The following DNAJC18 variants were observed in gnomAD, a reference collection of about 807,000 sequenced individuals.
DNAJC18 encodes the protein dnaJ homolog subfamily C member 18.
A neutral mutation model predicts 48.6 loss-of-function variants in DNAJC18; 40 were observed. The observed-to-expected ratio is 0.82, with a 90% confidence interval of 0.64 to 1.07. DNAJC18 has a LOEUF of 1.07. DNAJC18 is among the 50% of genes least tolerant of loss of function. DNAJC18 has a pLI of 0.00. For missense variants in DNAJC18, 340 were observed against 427.7 expected (o/e 0.79, Z 1.81); for synonymous variants, 135 against 152.2 (o/e 0.89, Z 0.83).
In DNAJC18 at chr5:139,425,037, T is replaced by C. The variant is rs1256827616; in HGVS notation, c.637A>G (p.Thr213Ala). The change falls in exon 5 of 8, where the codon ACT (threonine) becomes GCT (alanine). Residue 213 changes from threonine (T) to alanine (A), a missense_variant. By Grantham distance (58) the Thr-to-Ala change is moderately conservative. Coordinates refer to ENST00000302060, the MANE Select transcript of DNAJC18 (RefSeq NM_152686.4). ...RRRHRHERTQ[T>A]QKEEEEEKPQ... The stretch of plus-strand genomic sequence containing the variant: ...TTCTCTTCTTCCTCCTCCTTCTGAG[T>C]CTGTGTCCTCTCATGTCGGTGCCGT... 3.7e-6 allele frequency: 6 copies of C among 1,613,434 alleles called. No homozygotes were observed. Among genetic ancestry groups the C allele is most frequent in the Non-Finnish European group, 5.1e-6 (6 of 1,179,494 alleles).
rs1273841230 is a variant in DNAJC18 at position 139,439,491 on chromosome 5, G to C, written c.-46C>G. ...TCCGCCGAGCCTCCCCCGTGCCCGA[G>C]GCTGAAAGAGAAGGGGGCGCGGAGC... is the stretch of plus-strand genomic sequence containing the variant. On this transcript the variant is annotated 5_prime_UTR_variant, in exon 1 of 8. Coordinates refer to ENST00000302060, the MANE Select transcript of DNAJC18 (RefSeq NM_152686.4). This position sits in a 1 kb window ranked among gnomAD's most constrained non-coding sequence, Gnocchi z 4.1. The C allele has an allele frequency of 1.9e-6, 3 of 1,613,590 alleles. No homozygotes were observed. The highest frequency in any genetic ancestry group is 2.5e-6 in the Non-Finnish European group (3 of 1,179,970).
chr5:139,420,636 A>C lies in DNAJC18; in HGVS notation c.780-411T>G, dbSNP rs79536420. Reference sequence around the variant, plus strand: ...ATATAGCAAATTATTTACAAAAAAAACAGATAGCTCACACCAACCTAGAAG... The same window carrying C: ...ATATAGCAAATTATTTACAAAAAAACCAGATAGCTCACACCAACCTAGAAG... On this transcript the variant is annotated intron_variant, in intron 6 of 7. Coordinates refer to ENST00000302060, the MANE Select transcript of DNAJC18 (RefSeq NM_152686.4). Among the ~76,000 whole-genome samples the C allele has an allele frequency of 3.0e-3, 460 of 151,200 alleles. 2 individuals are homozygous for C. Among genetic ancestry groups the C allele is most frequent in the Non-Finnish European group, 3.6e-3 (246 of 67,936 alleles).
chr5:139,411,690 G>A lies in DNAJC18; in HGVS notation c.*2458C>T, dbSNP rs553297298. The A allele has an allele frequency of 1.3e-5, 2 of 152,280 alleles. No individual in the cohort carries two copies. Among genetic ancestry groups the A allele is most frequent in the African/African-American group, 4.8e-5 (2 of 41,562 alleles). 9.4% of individuals were successfully genotyped at this position (152,280 alleles called of 1,614,324 possible). A position where few individuals can be genotyped will look rare whatever the true frequency, so the allele number is the denominator to read the frequency against. Reference sequence around the variant, plus strand: ...GGCAATAAATAAAACAGTACCATCGGTGCTATAAAAACAGACAATCAGCGT... The same window carrying A: ...GGCAATAAATAAAACAGTACCATCGATGCTATAAAAACAGACAATCAGCGT... On this transcript the variant is annotated 3_prime_UTR_variant, in exon 8 of 8. Transcript: ENST00000302060.
chr5:139,425,222 G>A (rs1158479833), intron 4 of DNAJC18, 108 bp from the exon 5 acceptor site: 1 of 836,972 alleles, frequency 1.2e-6, no homozygotes, highest in Non-Finnish European at 1.8e-6. Context: ...GGAGTGCAAT[G>A]GGGTGATCTC....
At chr5:139,438,752 C>T (rs1283785340) in intron 1 of DNAJC18, among the ~76,000 whole-genome samples, 1 of 152,184 alleles carries the variant, frequency 6.6e-6, no homozygotes, top group East Asian at 1.9e-4. Context: ...AGCCAGTCTG[C>T]GTTAGGTACC....
At chr5:139,434,599 G>A (rs1211794105) in intron 2 of DNAJC18, among the ~76,000 whole-genome samples, 1 of 152,104 alleles carries the variant, frequency 6.6e-6, no homozygotes, top group Admixed American at 6.6e-5. Context: ...TTGAATTACA[G>A]GCATGAGCCA....
At position 139,437,465 on chromosome 5, in the gene DNAJC18, T is replaced by G. The variant is rs1390041162; in HGVS notation, c.134A>C (p.Gln45Pro). ...CTCATTCTCAGACTTCTTTTCCTTT[T>G]GTGCCTTCATGCAGTTACAGCAGCC... ...PCGCCNCMKA[Q>P]KEKKSENEWT... Residue 45 changes from glutamine to proline, a missense_variant, in exon 2 of 8, where the codon CAA (glutamine) becomes CCA (proline). Gln to Pro is a moderately conservative substitution (Grantham distance 76, BLOSUM62 -1). Coordinates refer to ENST00000302060, the MANE Select transcript of DNAJC18 (RefSeq NM_152686.4). 6.2e-7 allele frequency: 1 copy of G among 1,614,204 alleles called. No homozygotes were observed. The highest frequency in any genetic ancestry group is 1.1e-5 in the South Asian group (1 of 91,082).
chr5:139,424,522 G>A (rs540424362), intron 5 of DNAJC18, among the ~76,000 whole-genome samples: 1 of 151,964 alleles, frequency 6.6e-6, no homozygotes, highest in African/African-American at 2.4e-5. Context: ...GAGCCCAGGA[G>A]TTTGTGACCA....
At chr5:139,423,944 G>T (rs575103548) in intron 5 of DNAJC18, among the ~76,000 whole-genome samples, 39 of 152,126 alleles carry the variant, frequency 2.6e-4, no homozygotes, top group Non-Finnish European at 5.1e-4. Context: ...AACATCTCTA[G>T]GTAAACCTGC....
intron 3 of DNAJC18, among the ~76,000 whole-genome samples, chr5:139,427,955 C>T (rs139613823): frequency 6.6e-6 from 1 of 152,294 alleles, no homozygotes; most frequent in Non-Finnish European, 1.5e-5. Flanking sequence ...AGATCTTTGC[C>T]TGTAACAATG....
chr5:139,414,425 C>T (rs1264401549), intron 7 of DNAJC18, among the ~76,000 whole-genome samples, 153 bp from the exon 8 acceptor site: 1 of 152,244 alleles, frequency 6.6e-6, no homozygotes, highest in Non-Finnish European at 1.5e-5. Flanking sequence ...CAAAACACGT[C>T]TTAGGTACTA....
chr5:139,420,323 A>C, intron 6 of DNAJC18, 98 bp from the exon 7 acceptor site: 1 of 1,196,632 alleles, frequency 8.4e-7, no homozygotes, highest in Non-Finnish European at 1.2e-6. Context: ...ATCTGCTCAT[A>C]GAGCAGAGGC....
At chr5:139,421,681 G>A (rs192012070) in intron 6 of DNAJC18, among the ~76,000 whole-genome samples, 39 of 151,938 alleles carry the variant, frequency 2.6e-4, no homozygotes, top group Admixed American at 1.9e-3. Flanking sequence ...GGTGCGTGCC[G>A]CCTGTAATTC....
At position 139,420,043 on chromosome 5, in the gene DNAJC18, A is replaced by T. The variant is rs748679394; in HGVS notation, c.952+10T>A. The T allele has an allele frequency of 5.2e-6, 8 of 1,550,290 alleles. No individual in the cohort carries two copies. Among genetic ancestry groups the T allele is most frequent in the Non-Finnish European group, 6.9e-6 (8 of 1,153,228 alleles). ...AGCCACCAGCTAATGCCCCTTTTAC[A>T]GTATCTTACTTTGTTGTTTCTCCTT... On this transcript the variant is annotated intron_variant, in intron 7 of 7. Coordinates refer to ENST00000302060, the MANE Select transcript of DNAJC18 (RefSeq NM_152686.4).
intron 7 of DNAJC18, among the ~76,000 whole-genome samples, chr5:139,417,667 G>A (rs753759787): frequency 5.3e-5 from 8 of 150,864 alleles, no homozygotes; most frequent in Non-Finnish European, 8.8e-5. Context: ...TCCGCCTCCC[G>A]GGTTCAAGAG....
At chr5:139,424,328 C>G (rs761237082) in intron 5 of DNAJC18, among the ~76,000 whole-genome samples, 8 of 152,100 alleles carry the variant, frequency 5.3e-5, no homozygotes, top group African/African-American at 9.7e-5. Context: ...GTCATGAGGC[C>G]CAGCTGTGCT....
rs528322919 is a variant in DNAJC18 at position 139,411,288 on chromosome 5, C to T, written c.*2860G>A. 7.9e-5 allele frequency: 12 copies of T among 152,288 alleles called. No individual in the cohort carries two copies. Among genetic ancestry groups the T allele is most frequent in the East Asian group, 7.7e-4 (4 of 5,188 alleles). 9.4% of individuals were successfully genotyped at this position (152,288 alleles called of 1,614,324 possible). A position where few individuals can be genotyped will look rare whatever the true frequency, so the allele number is the denominator to read the frequency against. On this transcript the variant is annotated 3_prime_UTR_variant, in exon 8 of 8. Transcript: ENST00000302060. ...TCATCCTCCTTTTCTCACTGCCGAT[C>T]GTGCGGTAGAGAGAGCATCTTCATT...
intron 2 of DNAJC18, among the ~76,000 whole-genome samples, chr5:139,433,135 T>A (rs1398431586): frequency 6.6e-6 from 1 of 152,142 alleles, no homozygotes; most frequent in African/African-American, 2.4e-5. Flanking sequence ...CCTGCACCCA[T>A]ATAAAAGCTT....
In DNAJC18 at chr5:139,411,650, A is replaced by C. The variant is rs577355158; in HGVS notation, c.*2498T>G. The C allele has an allele frequency of 6.6e-6, 1 of 152,344 alleles. No homozygotes were observed. The highest frequency in any genetic ancestry group is 2.4e-5 in the African/African-American group (1 of 41,592). The allele number at this position is 152,344 out of a possible 1,614,324, so 9.4% of individuals were successfully genotyped here. ...TTCCCTTGAGGAAAAACAGATGTGAATGTTGTGGTCTATTGGCAATAAATA... is the reference window on the plus strand; with the variant it reads ...TTCCCTTGAGGAAAAACAGATGTGACTGTTGTGGTCTATTGGCAATAAATA... On this transcript the variant is annotated 3_prime_UTR_variant, in exon 8 of 8. Transcript: ENST00000302060.
Sources: gnomAD v4.1 joint callset for allele counts (sites outside exome capture counted in the v4.1 genomes callset) on GRCh38, gnomAD v4.1.1 for gene constraint, Gnocchi (gnomAD v3.1) non-coding constraint, MANE v1.5 for transcripts, NCBI Gene and HGNC (gene_info 2026-07-23, HGNC 2026-07-21) for gene names.